The following CENPW variants were observed in gnomAD, a reference collection of about 807,000 sequenced individuals.
CENPW encodes the protein centromere protein W.
Under a neutral mutation model 11.1 loss-of-function variants are expected in CENPW, and 3 were observed. The ratio of observed to expected loss-of-function variants is 0.27; its 90% CI spans 0.12 to 0.70. CENPW has a LOEUF of 0.70. Among genes scored for constraint, CENPW ranks in the 30% least tolerant of loss-of-function variants. The probability of loss-of-function intolerance (pLI) is 0.77; values close to 1 mark genes in which losing one functional copy is unlikely to be tolerated. For synonymous variants in CENPW, 38 were observed against 42.0 expected, an observed-to-expected ratio of 0.91 and a Z score of 0.37; for missense variants, 100 against 105.6, an observed-to-expected ratio of 0.95 and a Z score of 0.23.
chr6:126,385,768 T>C, the CENPW span, among the ~76,000 whole-genome samples: 1 of 152,232 alleles, frequency 6.6e-6, no homozygotes, highest in Non-Finnish European at 1.5e-5. Context: ...TTCAAGAAGG[T>C]GCCTTGCTTC....
chr6:126,344,558 G>C (rs1780371268), intron 1 of CENPW, among the ~76,000 whole-genome samples: 1 of 152,088 alleles, frequency 6.6e-6, no homozygotes, highest in South Asian at 2.1e-4. Context: ...AAAATAAATG[G>C]GCTATCATTG....
the CENPW span, among the ~76,000 whole-genome samples, chr6:126,414,602 C>T: frequency 2.0e-5 from 3 of 151,932 alleles, no homozygotes; most frequent in African/African-American, 7.2e-5. Flanking sequence ...CTTAAAACGA[C>T]TAAACCTATG....
chr6:126,354,373 A>G, the CENPW span, among the ~76,000 whole-genome samples: 5 of 152,100 alleles, frequency 3.3e-5, no homozygotes, highest in Admixed American at 3.3e-4. Flanking sequence ...ACCGAACACT[A>G]ATCTTTGACA....
At chr6:126,420,004 G>C in the CENPW span, among the ~76,000 whole-genome samples, 1 of 152,160 alleles carries the variant, frequency 6.6e-6, no homozygotes, top group African/African-American at 2.4e-5. Context: ...GGAGGACCAG[G>C]ATTCTGCCTA....
chr6:126,372,453 C>T, the CENPW span, among the ~76,000 whole-genome samples: 10 of 152,174 alleles, frequency 6.6e-5, no homozygotes, highest in Non-Finnish European at 8.8e-5. Flanking sequence ...ATAATACTTG[C>T]GATCTCAGTT....
At chr6:126,410,233 T>A in the CENPW span, among the ~76,000 whole-genome samples, 7 of 152,312 alleles carry the variant, frequency 4.6e-5, no homozygotes, top group East Asian at 1.3e-3. Context: ...AGATTTTATT[T>A]CTTCCTCATT....
the CENPW span, among the ~76,000 whole-genome samples, chr6:126,424,643 T>A: frequency 6.6e-6 from 1 of 152,122 alleles, no homozygotes; most frequent in African/African-American, 2.4e-5. Flanking sequence ...GTACCACTGT[T>A]CGGGGTGCTG....
the CENPW span, among the ~76,000 whole-genome samples, chr6:126,454,627 T>C: frequency 1.3e-5 from 2 of 151,014 alleles, no homozygotes; most frequent in African/African-American, 4.8e-5. Context: ...GTTAGAAAGA[T>C]CTCTAATTAA....
the CENPW span, among the ~76,000 whole-genome samples, chr6:126,460,367 G>A: frequency 2.0e-5 from 3 of 151,824 alleles, no homozygotes; most frequent in East Asian, 2.0e-4. Context: ...TGATGGTTCT[G>A]AGAACTTAGC....
At chr6:126,413,778 C>T in the CENPW span, among the ~76,000 whole-genome samples, 2 of 151,874 alleles carry the variant, frequency 1.3e-5, no homozygotes, top group East Asian at 1.9e-4. Flanking sequence ...ATATATAAAA[C>T]CACCAGAATA....
At chr6:126,413,018 T>C in the CENPW span, among the ~76,000 whole-genome samples, 1 of 152,166 alleles carries the variant, frequency 6.6e-6, no homozygotes, top group Non-Finnish European at 1.5e-5. Flanking sequence ...TATGACATTT[T>C]CCAGAAGCTT....
chr6:126,454,141 C>T, the CENPW span, among the ~76,000 whole-genome samples: 1 of 151,322 alleles, frequency 6.6e-6, no homozygotes, highest in Non-Finnish European at 1.5e-5. Context: ...CAACACCCCA[C>T]TGACAGTATT....
chr6:126,413,565 C>T, the CENPW span, among the ~76,000 whole-genome samples: 4 of 151,930 alleles, frequency 2.6e-5, no homozygotes, highest in African/African-American at 9.7e-5. Context: ...ACTAGACTGG[C>T]TTTACAAGAA....
At chr6:126,382,140 T>A in the CENPW span, among the ~76,000 whole-genome samples, 1 of 151,930 alleles carries the variant, frequency 6.6e-6, no homozygotes, top group East Asian at 1.9e-4. Flanking sequence ...TAATCCCAGC[T>A]GCAGGAGAAT....
the CENPW span, among the ~76,000 whole-genome samples, chr6:126,430,490 A>G: frequency 2.0e-5 from 3 of 152,230 alleles, no homozygotes; most frequent in African/African-American, 7.2e-5. Context: ...TTTGCTATAC[A>G]TTGAACAAAT....
the CENPW span, among the ~76,000 whole-genome samples, chr6:126,463,131 C>T: frequency 6.6e-6 from 1 of 151,934 alleles, no homozygotes; most frequent in Non-Finnish European, 1.5e-5. Context: ...AGACACATTC[C>T]TCTCTTATGT....
the CENPW span, among the ~76,000 whole-genome samples, chr6:126,375,212 T>A: frequency 6.6e-6 from 1 of 152,180 alleles, no homozygotes; most frequent in African/African-American, 2.4e-5. Flanking sequence ...AAACCCAGTG[T>A]GTTCAAGAAA....
chr6:126,381,237 C>CT, the CENPW span, among the ~76,000 whole-genome samples: 1 of 152,072 alleles, frequency 6.6e-6, no homozygotes, highest in Non-Finnish European at 1.5e-5. Context: ...GATATTTATT[C>CT]TTTTTGTATA....
At chr6:126,369,351 T>G in the CENPW span, among the ~76,000 whole-genome samples, 3 of 152,188 alleles carry the variant, frequency 2.0e-5, no homozygotes, top group Non-Finnish European at 2.9e-5. Flanking sequence ...TTTAAAGGAA[T>G]CTCCACACTT....
Sources: gnomAD v4.1 joint callset for allele counts (sites outside exome capture counted in the v4.1 genomes callset) on GRCh38, gnomAD v4.1.1 for gene constraint, MANE v1.5 for transcripts, NCBI Gene and HGNC (gene_info 2026-07-23, HGNC 2026-07-21) for gene names.